CFAP58: variants seen among roughly 807,000 people sequenced by gnomAD.
CFAP58 encodes the protein cilia- and flagella-associated protein 58.
Under a neutral mutation model 119.5 loss-of-function variants are expected in CFAP58, and 88 were observed. The observed-to-expected ratio is 0.74, with a 90% CI of 0.62 to 0.88. The LOEUF (loss-of-function observed/expected upper bound fraction) is 0.88, where lower values mean the gene tolerates loss of function less well. CFAP58 is among the 40% of genes least tolerant of loss of function. The pLI, the probability that CFAP58 is intolerant of heterozygous loss-of-function variation, is 0.00. For missense variants in CFAP58, 990 were observed against 1,021.2 expected, an observed-to-expected ratio of 0.97 and a Z score of 0.42; for synonymous variants, 365 against 366.3, an observed-to-expected ratio of 1.00 and a Z score of 0.04.
intron 9 of CFAP58, among the ~76,000 whole-genome samples, chr10:104,388,868 C>T (rs1242864763): frequency 6.6e-6 from 1 of 152,170 alleles, no homozygotes; most frequent in African/African-American, 2.4e-5. Context: ...GTACTTCTGT[C>T]GTGCACTGTA....
chr10:104,391,050 A>T (rs2012029573), intron 9 of CFAP58, among the ~76,000 whole-genome samples: 1 of 152,246 alleles, frequency 6.6e-6, no homozygotes, highest in Non-Finnish European at 1.5e-5. Flanking sequence ...ATAGGGAAAG[A>T]ATAGAACCAG....
At position 104,353,919 on chromosome 10, in the gene CFAP58, C is replaced by T. The variant is rs1263496740; in HGVS notation, c.9+13C>T. 2 of 1,613,368 alleles carry T rather than the reference C, an allele frequency of 1.2e-6. No individual in the cohort carries two copies. Among genetic ancestry groups the T allele is most frequent in the Non-Finnish European group, 1.7e-6 (2 of 1,179,396 alleles). ...CAGGATGGCTGAGGTCAGGAGTCAG[C>T]GCCCCTCTGTCGCCTTTCCCTTGAC... On this transcript the variant is annotated intron_variant, in intron 1 of 17. Coordinates refer to ENST00000369704, the MANE Select transcript of CFAP58 (RefSeq NM_001008723.2).
At position 104,447,812 on chromosome 10, in the gene CFAP58, C is replaced by G; in HGVS notation, c.2371C>G (p.Leu791Val). Residue 791 changes from leucine to valine, a missense_variant, in exon 16 of 18, where the codon CTG becomes GTG. Physicochemically the swap from Leu to Val is conservative, Grantham distance 32 (BLOSUM62 1). Transcript: ENST00000369704. ...RRTLHDKKQQ[L>V]KVLSSELNMY... is the part of the protein sequence containing the mutation. ...CACGCTGCATGACAAGAAGCAGCAG[C>G]TGAAAGTAAGTGGTAGCCCCTGTTC... 6.2e-7 allele frequency: 1 copy of G among 1,612,116 alleles called. No individual in the cohort carries two copies. The highest frequency in any genetic ancestry group is 8.5e-7 in the Non-Finnish European group (1 of 1,178,790).
chr10:104,365,180 C>G (rs991424519), intron 4 of CFAP58, among the ~76,000 whole-genome samples: 1 of 152,132 alleles, frequency 6.6e-6, no homozygotes, highest in South Asian at 2.1e-4. Flanking sequence ...CCAGGGGGCC[C>G]AACATCTGGG....
intron 3 of CFAP58, among the ~76,000 whole-genome samples, chr10:104,362,794 A>G (rs1340601964): frequency 1.3e-5 from 2 of 152,202 alleles, no homozygotes; most frequent in Non-Finnish European, 2.9e-5. Context: ...CTCCTGAAGC[A>G]CATGTGCACC....
intron 9 of CFAP58, among the ~76,000 whole-genome samples, chr10:104,381,323 C>CATTTAGTGCATTCATTT (rs2011797947): frequency 6.6e-6 from 1 of 152,154 alleles, no homozygotes; most frequent in Non-Finnish European, 1.5e-5. Flanking sequence ...TCATTTTAGC[C>CATTTAGTGCATTCATTT]AGCTGTCTTA....
intron 9 of CFAP58, among the ~76,000 whole-genome samples, chr10:104,381,186 C>T (rs1589915833): frequency 6.6e-6 from 1 of 152,110 alleles, no homozygotes; most frequent in South Asian, 2.1e-4. Context: ...GACAAACAAA[C>T]AAACACCACT....
chr10:104,453,221 T>C (rs1316748264), intron 17 of CFAP58, among the ~76,000 whole-genome samples: 1 of 152,094 alleles, frequency 6.6e-6, no homozygotes, highest in Admixed American at 6.6e-5. Context: ...GTTGCCAAAG[T>C]ACAAGAAAGA....
chr10:104,372,336 C>G (rs746849871), intron 7 of CFAP58, among the ~76,000 whole-genome samples: 8 of 151,724 alleles, frequency 5.3e-5, no homozygotes, highest in Admixed American at 4.6e-4. Flanking sequence ...CTGGGTGACA[C>G]AGTGAGACTC....
At position 104,353,843 on chromosome 10, in the gene CFAP58, C is replaced by A; in HGVS notation, c.-55C>A. The A allele has an allele frequency of 6.3e-7, 1 of 1,592,152 alleles. No homozygotes were observed. Among genetic ancestry groups the A allele is most frequent in the Non-Finnish European group, 8.6e-7 (1 of 1,163,788 alleles). On this transcript the variant is annotated 5_prime_UTR_variant, in exon 1 of 18. Coordinates refer to ENST00000369704, the MANE Select transcript of CFAP58 (RefSeq NM_001008723.2). ...TTTAGCTTCTTTCCCAGACTCCGGC[C>A]CAGCTCCTGCGATCTCCACAGCAGC...
intron 3 of CFAP58, among the ~76,000 whole-genome samples, chr10:104,363,411 G>T (rs996079099): frequency 6.6e-6 from 1 of 152,176 alleles, no homozygotes; most frequent in Non-Finnish European, 1.5e-5. Context: ...TTGATGCATT[G>T]ATCCAACACT....
chr10:104,390,847 G>T (rs2012024975), intron 9 of CFAP58, among the ~76,000 whole-genome samples: 1 of 151,932 alleles, frequency 6.6e-6, no homozygotes, highest in Non-Finnish European at 1.5e-5. Flanking sequence ...ATTTTTAAAA[G>T]GAAAAATCTG....
intron 15 of CFAP58, among the ~76,000 whole-genome samples, chr10:104,428,216 G>A (rs1186393160): frequency 6.6e-6 from 1 of 152,070 alleles, no homozygotes; most frequent in Non-Finnish European, 1.5e-5. Flanking sequence ...GTCAGCATCC[G>A]CCAGGAGAAG....
chr10:104,426,444 C>T (rs2012747274), intron 15 of CFAP58, among the ~76,000 whole-genome samples: 1 of 151,806 alleles, frequency 6.6e-6, no homozygotes, highest in Non-Finnish European at 1.5e-5. Flanking sequence ...CGCCGCCTTC[C>T]ATCATCCTCT....
At position 104,392,404 on chromosome 10, in the gene CFAP58, A is replaced by G. The variant is rs747268655; in HGVS notation, c.1527+10A>G. On this transcript the variant is annotated intron_variant, in intron 10 of 17. Transcript: ENST00000369704. ...TCTGGTTGAGGCTCAGGTAAATAAT[A>G]TATTTATATCCTTACATTTTGATTT... The G allele has an allele frequency of 1.3e-6, 2 of 1,549,344 alleles. No individual in the cohort carries two copies. The highest frequency in any genetic ancestry group is 2.0e-5 in the Admixed American group (1 of 50,264).
At chr10:104,364,651 A>G in intron 3 of CFAP58, 82 bp from the exon 4 acceptor site, 1 of 1,306,856 alleles carries the variant, frequency 7.7e-7, no homozygotes, top group Middle Eastern at 1.9e-4. Flanking sequence ...CATCTTTCCC[A>G]TGAAAATGAA....
intron 15 of CFAP58, among the ~76,000 whole-genome samples, chr10:104,411,316 T>C (rs1033242298): frequency 1.3e-5 from 2 of 152,208 alleles, no homozygotes; most frequent in Non-Finnish European, 2.9e-5. Context: ...AGAGACTCTT[T>C]TTCACATATG....
At chr10:104,355,059 C>T (rs1167951106) in intron 1 of CFAP58, among the ~76,000 whole-genome samples, 1 of 152,208 alleles carries the variant, frequency 6.6e-6, no homozygotes, top group Non-Finnish European at 1.5e-5. Flanking sequence ...TTCATATCAT[C>T]CATCTTCCTC....
At chr10:104,343,128 A>G in the CFAP58 span, among the ~76,000 whole-genome samples, 1 of 152,214 alleles carries the variant, frequency 6.6e-6, no homozygotes, top group African/African-American at 2.4e-5. Context: ...CCTGATTTCA[A>G]CTTCACATGG....
Sources: gnomAD v4.1 joint callset for allele counts (sites outside exome capture counted in the v4.1 genomes callset) on GRCh38, gnomAD v4.1.1 for gene constraint, MANE v1.5 for transcripts, NCBI Gene and HGNC (gene_info 2026-07-23, HGNC 2026-07-21) for gene names.